The following ZNF804B variants were observed in gnomAD, a reference collection of about 807,000 sequenced individuals.
ZNF804B encodes zinc finger protein 804B.
Under a neutral mutation model 101.4 loss-of-function variants are expected in ZNF804B, and 80 were observed. The ratio of observed to expected loss-of-function variants is 0.79; its 90% CI spans 0.66 to 0.95. The LOEUF is 0.95. ZNF804B is among the 40% of genes least tolerant of loss of function. The pLI, the probability that ZNF804B is intolerant of heterozygous loss-of-function variation, is 0.00. For missense variants in ZNF804B, 1,673 were observed against 1,561.9 expected, an observed-to-expected ratio of 1.07 and a Z score of -1.20; for synonymous variants, 622 against 558.8, an observed-to-expected ratio of 1.11 and a Z score of -1.59.
intron 1 of ZNF804B, among the ~76,000 whole-genome samples, chr7:89,029,272 T>C (rs1157238143): frequency 6.6e-6 from 1 of 152,084 alleles, no homozygotes; most frequent in Non-Finnish European, 1.5e-5. Flanking sequence ...CCCAGCTAAT[T>C]TTTATATTTT....
intron 1 of ZNF804B, among the ~76,000 whole-genome samples, chr7:88,990,263 T>A (rs959532303): frequency 6.6e-6 from 1 of 152,006 alleles, no homozygotes; most frequent in Non-Finnish European, 1.5e-5. Flanking sequence ...GCATTAGATT[T>A]AATTTTAATT....
chr7:89,178,321 G>T (rs1246470781), intron 1 of ZNF804B, among the ~76,000 whole-genome samples: 1 of 150,454 alleles, frequency 6.6e-6, no homozygotes, highest in African/African-American at 2.4e-5. Flanking sequence ...TTTTCTGGTG[G>T]TTTTGTGGTT....
At chr7:88,775,945 C>T (rs2115645368) in intron 1 of ZNF804B, among the ~76,000 whole-genome samples, 1 of 152,290 alleles carries the variant, frequency 6.6e-6, no homozygotes, top group South Asian at 2.1e-4. Context: ...AAGGTGGGAA[C>T]ATGGAAATTT....
At chr7:89,176,566 C>CTTTT (rs1264419415) in intron 1 of ZNF804B, among the ~76,000 whole-genome samples, 3 of 52,304 alleles carry the variant, frequency 5.7e-5, no homozygotes, top group Admixed American at 1.6e-4. Flanking sequence ...TCTTTCTTTT[C>CTTTT]TTTTTTTTCT....
chr7:88,900,742 G>A (rs1004220652), intron 1 of ZNF804B, among the ~76,000 whole-genome samples: 6 of 150,756 alleles, frequency 4.0e-5, no homozygotes, highest in African/African-American at 1.2e-4. Context: ...AATCTCTTTT[G>A]TACTTTAGAT....
chr7:89,191,327 T>C (rs1788452903), intron 1 of ZNF804B, among the ~76,000 whole-genome samples: 1 of 152,146 alleles, frequency 6.6e-6, no homozygotes, highest in African/African-American at 2.4e-5. Context: ...TATGAATCTA[T>C]GAAATATGCA....
At chr7:88,788,641 C>T (rs1036281542) in intron 1 of ZNF804B, among the ~76,000 whole-genome samples, 13 of 152,086 alleles carry the variant, frequency 8.5e-5, no homozygotes, top group African/African-American at 3.1e-4. Flanking sequence ...GTCTTTTTTA[C>T]CATTGTATCT....
chr7:89,111,629 G>T (rs1021606238), intron 1 of ZNF804B, among the ~76,000 whole-genome samples: 1 of 152,062 alleles, frequency 6.6e-6, no homozygotes, highest in Non-Finnish European at 1.5e-5. Flanking sequence ...TATCACATAT[G>T]TGTTTTGCAA....
intron 1 of ZNF804B, among the ~76,000 whole-genome samples, chr7:89,136,766 C>T (rs1466223670): frequency 1.4e-5 from 2 of 146,040 alleles, no homozygotes; most frequent in Non-Finnish European, 3.0e-5. Flanking sequence ...TGTGTGTGTG[C>T]GCGCACGTGT....
At chr7:88,865,393 A>C (rs1397067849) in intron 1 of ZNF804B, among the ~76,000 whole-genome samples, 1 of 152,002 alleles carries the variant, frequency 6.6e-6, no homozygotes, top group Non-Finnish European at 1.5e-5. Context: ...TTAGCTGGGC[A>C]TGGTGGTATG....
chr7:89,281,935 A>G (rs921146272), intron 2 of ZNF804B, among the ~76,000 whole-genome samples: 1 of 152,206 alleles, frequency 6.6e-6, no homozygotes, highest in African/African-American at 2.4e-5. Context: ...TAGAAAGAAG[A>G]GAGCCTAAAA....
At chr7:89,191,121 A>C (rs2115613572) in intron 1 of ZNF804B, among the ~76,000 whole-genome samples, 1 of 152,280 alleles carries the variant, frequency 6.6e-6, no homozygotes, top group African/African-American at 2.4e-5. Flanking sequence ...TTAGGAAATA[A>C]AAATGTTTCC....
rs1554348177 is a variant in ZNF804B, at chr7:88,942,530, G to GTT, written c.108+182449_108+182450dup. On this transcript the variant is annotated intron_variant, in intron 1 of 3. Coordinates refer to ENST00000333190, the MANE Select transcript of ZNF804B (RefSeq NM_181646.5). The stretch of plus-strand genomic sequence containing the variant: ...TGTGTGTGTGTGTGTGTGTGTGTGT[G>GTT]TTTTGCATTGAATTATCGTAAGGTC... 7.9e-4 allele frequency among the ~76,000 whole-genome samples: 52 copies of GTT among 65,934 alleles called. 1 individual carries two copies. Among genetic ancestry groups the GTT allele is most frequent in the East Asian group, 5.9e-4 (1 of 1,700 alleles). The allele number at this position is 65,934 out of a possible 152,430, so 43.3% of individuals were successfully genotyped here. A position where few individuals can be genotyped will look rare whatever the true frequency, so the allele number is the denominator to read the frequency against.
At chr7:89,128,703 A>T (rs1242476398) in intron 1 of ZNF804B, among the ~76,000 whole-genome samples, 1 of 151,986 alleles carries the variant, frequency 6.6e-6, no homozygotes, top group Non-Finnish European at 1.5e-5. Context: ...ACACATAACT[A>T]GTTTAACATA....
intron 2 of ZNF804B, among the ~76,000 whole-genome samples, chr7:89,325,826 AT>A (rs1285231529): frequency 6.6e-6 from 1 of 151,856 alleles, no homozygotes; most frequent in Non-Finnish European, 1.5e-5. Context: ...CAAAATAGCA[AT>A]TTTCTCTCTC....
rs1311325737 is a variant in ZNF804B at position 88,794,063 on chromosome 7, T to A, written c.108+33979T>A. On this transcript the variant is annotated intron_variant, in intron 1 of 3. Transcript: ENST00000333190. ...ACTCTATAAAGATTAATATATTACC[T>A]CTGTGTATATTGCAATGTTCTGTTT... 7 of 729,302 alleles carry A rather than the reference T, an allele frequency of 9.6e-6. No individual in the cohort carries two copies. In the East Asian group the frequency reaches 1.6e-4, roughly 17 times the overall value. The allele number at this position is 729,302 out of a possible 1,614,324, so 45.2% of individuals were successfully genotyped here.
intron 2 of ZNF804B, among the ~76,000 whole-genome samples, chr7:89,280,626 C>T (rs1414219932): frequency 2.7e-4 from 41 of 152,156 alleles, no homozygotes; most frequent in Admixed American, 2.7e-3. Flanking sequence ...TCTACAAACA[C>T]CTCTATGCAA....
intron 1 of ZNF804B, among the ~76,000 whole-genome samples, chr7:88,832,452 CTTAAG>C (rs1791147292): frequency 6.6e-6 from 1 of 152,008 alleles, no homozygotes; most frequent in South Asian, 2.1e-4. Flanking sequence ...ATGGCTTGTT[CTTAAG>C]TTTTGTGGAG....
At chr7:89,329,078 A>C (rs1790937991) in intron 3 of ZNF804B, among the ~76,000 whole-genome samples, 1 of 151,764 alleles carries the variant, frequency 6.6e-6, no homozygotes. Flanking sequence ...TCAAATAAAA[A>C]GGTCCACTCT....
Sources: allele counts gnomAD v4.1 joint callset (sites outside exome capture counted in the v4.1 genomes callset), GRCh38; gene constraint gnomAD v4.1.1; transcripts MANE v1.5; gene names NCBI Gene and HGNC (gene_info 2026-07-23, HGNC 2026-07-21).